Variants in GATA6 observed in about 807,000 individuals in gnomAD.
The protein encoded by GATA6 is GATA binding protein 6.
Under a neutral mutation model 48.1 loss-of-function variants are expected in GATA6, and 11 were observed. The observed-to-expected ratio is 0.23, with a 90% CI of 0.14 to 0.38. GATA6 has a LOEUF of 0.38. Ranked by LOEUF, GATA6 falls within the 10% of genes least tolerant of loss-of-function variation. The pLI, the probability that GATA6 is intolerant of heterozygous loss-of-function variation, is 1.00. For missense variants in GATA6, 795 were observed against 850.3 expected (o/e 0.93, Z 0.81); for synonymous variants, 419 against 396.1 (o/e 1.06, Z -0.69).
At position 22,201,230 on chromosome 18, in the gene GATA6, A is replaced by G. The variant is rs1346530202; in HGVS notation, c.*407A>G. ...CATACCTTTTCCACATCCAGATTTC[A>G]TGTGCGTTCATGGAGAAGATCACTT... On this transcript the variant is annotated 3_prime_UTR_variant, in exon 7 of 7. Coordinates refer to ENST00000269216, the MANE Select transcript of GATA6 (RefSeq NM_005257.6). 1 of 230,368 alleles carries G rather than the reference A, an allele frequency of 4.3e-6. No homozygotes were observed. Among genetic ancestry groups the G allele is most frequent in the African/African-American group, 2.3e-5 (1 of 44,372 alleles). 14.3% of individuals were successfully genotyped at this position (230,368 alleles called of 1,614,324 possible).
chr18:22,171,703 G>C lies in GATA6; in HGVS notation c.559G>C (p.Val187Leu), dbSNP rs1463517302. The change falls in exon 2 of 7, where the codon GTC (valine) becomes CTC (leucine). Residue 187 changes from valine to leucine, a missense_variant. Physicochemically the swap from Val to Leu is conservative, Grantham distance 32. This residue lies in a region of GATA6 where 591 missense variants were observed against 570.0 expected (regional missense o/e 1.04). Coordinates refer to ENST00000269216, the MANE Select transcript of GATA6 (RefSeq NM_005257.6). This position sits in a 1 kb window ranked among gnomAD's most constrained non-coding sequence, Gnocchi z 7.1. The stretch of plus-strand genomic sequence containing the variant: ...AGCCGCGGCGGCGGCCAGCTCCCCG[G>C]TCTACGTGCCCACCACCCGCGTGGG... ...AAAAAAASSPVYVPTTRVGSM... is the reference protein window; with the variant it reads ...AAAAAAASSPLYVPTTRVGSM... 2 of 1,496,284 alleles carry C rather than the reference G, an allele frequency of 1.3e-6. No homozygotes were observed. Among genetic ancestry groups the C allele is most frequent in the Non-Finnish European group, 1.8e-6 (2 of 1,131,450 alleles). 92.7% of individuals were successfully genotyped at this position (1,496,284 alleles called of 1,614,324 possible).
intron 6 of GATA6, among the ~76,000 whole-genome samples, chr18:22,198,152 G>A (rs966928538): frequency 6.6e-6 from 1 of 150,698 alleles, no homozygotes; most frequent in Non-Finnish European, 1.5e-5. Context: ...TGATGCAATC[G>A]TAGCTCACTG....
At chr18:22,196,675 A>G (rs1013939121) in intron 6 of GATA6, among the ~76,000 whole-genome samples, 3 of 152,080 alleles carry the variant, frequency 2.0e-5, no homozygotes, top group Non-Finnish European at 4.4e-5. Context: ...CAGGAGGTGG[A>G]GGTTGCAGTG....
chr18:22,173,671 T>A (rs998685388), intron 2 of GATA6, among the ~76,000 whole-genome samples: 6 of 152,246 alleles, frequency 3.9e-5, no homozygotes, highest in Non-Finnish European at 8.8e-5. Context: ...CAAAATTCCC[T>A]CTTTTTAGTT....
intron 2 of GATA6, among the ~76,000 whole-genome samples, chr18:22,173,056 T>A (rs1447736151): frequency 3.3e-5 from 5 of 152,218 alleles, no homozygotes; most frequent in Non-Finnish European, 7.3e-5. Context: ...CCTTCGAAGT[T>A]TAGCCCGCCA....
At chr18:22,199,468 C>T (rs2033429140) in intron 6 of GATA6, among the ~76,000 whole-genome samples, 1 of 152,174 alleles carries the variant, frequency 6.6e-6, no homozygotes, top group Non-Finnish European at 1.5e-5. Flanking sequence ...TTCTCAAAAG[C>T]AACTTTATTC....
At chr18:22,180,655 T>C (rs1041660236) in intron 3 of GATA6, among the ~76,000 whole-genome samples, 3 of 151,994 alleles carry the variant, frequency 2.0e-5, no homozygotes, top group Admixed American at 6.6e-5. Flanking sequence ...ATGGTAATTA[T>C]GGAATGTATT....
intron 2 of GATA6, chr18:22,175,470 TGTTTAACTTCA>T: frequency 6.6e-6 from 1 of 152,308 alleles, no homozygotes. Flanking sequence ...ACAAATACCT[TGTTTAACTTCA>T]GTGTCCTTGA....
chr18:22,186,387 T>C (rs1461553746), intron 6 of GATA6, among the ~76,000 whole-genome samples: 2 of 152,184 alleles, frequency 1.3e-5, no homozygotes, highest in East Asian at 1.9e-4. Flanking sequence ...AGTAAAAAAC[T>C]GTTCCAGAGG....
intron 3 of GATA6, among the ~76,000 whole-genome samples, chr18:22,178,621 A>T (rs907610614): frequency 5.3e-5 from 8 of 152,176 alleles, no homozygotes; most frequent in African/African-American, 1.9e-4. Flanking sequence ...AATTAGTTTT[A>T]TGGTTGGTTT....
chr18:22,179,984 T>C (rs1169859199), intron 3 of GATA6: 1 of 152,246 alleles, frequency 6.6e-6, no homozygotes, highest in Non-Finnish European at 1.5e-5. Flanking sequence ...TGTCCTGTAA[T>C]CTGTGAATAT....
chr18:22,194,442 C>T (rs1349678851), intron 6 of GATA6, among the ~76,000 whole-genome samples: 1 of 152,196 alleles, frequency 6.6e-6, no homozygotes, highest in African/African-American at 2.4e-5. Context: ...GCCTGTGCTG[C>T]CTGCCGAAAG....
intron 6 of GATA6, among the ~76,000 whole-genome samples, chr18:22,198,426 T>C (rs1298215571): frequency 6.6e-6 from 1 of 152,190 alleles, no homozygotes; most frequent in Non-Finnish European, 1.5e-5. Context: ...TCTGCTGTCT[T>C]GGCACTTCCC....
At chr18:22,190,700 C>T (rs956661947) in intron 6 of GATA6, among the ~76,000 whole-genome samples, 2 of 152,138 alleles carry the variant, frequency 1.3e-5, no homozygotes, top group Non-Finnish European at 2.9e-5. Context: ...GGACTGGAAC[C>T]GACGTCTCCT....
rs1449955534 is a variant in GATA6, at chr18:22,171,557, C to T, written c.413C>T (p.Pro138Leu). ...TCCAGCCGCGGCGCCAAGCTGAGCC[C>T]CTTCGCACCCGAGCAGCCGGAGGAG... Reference protein sequence around the residue: ...LWSSRGAKLSPFAPEQPEEMY... With the variant: ...LWSSRGAKLSLFAPEQPEEMY... Residue 138 changes from proline to leucine, a missense_variant, in exon 2 of 7, where the codon CCC becomes CTC. Physicochemically the swap from Pro to Leu is moderately conservative, Grantham distance 98. Around this residue, in one of 5 missense-constraint regions of GATA6, gnomAD observed 591 missense variants for 570.0 expected, o/e 1.04. Transcript: ENST00000269216. This position sits in a 1 kb window ranked among gnomAD's most constrained non-coding sequence, Gnocchi z 7.1. 2 of 1,604,066 alleles carry T rather than the reference C, an allele frequency of 1.2e-6. No individual in the cohort carries two copies. The highest frequency in any genetic ancestry group is 1.7e-5 in the Admixed American group (1 of 59,992).
chr18:22,191,675 G>A (rs567657125), intron 6 of GATA6, among the ~76,000 whole-genome samples: 1 of 152,272 alleles, frequency 6.6e-6, no homozygotes, highest in Non-Finnish European at 1.5e-5. Flanking sequence ...ATTTAAAAAA[G>A]CATCTCCATA....
Position 22,171,541 on chromosome 18 carries a change from G to A in GATA6, c.397G>A (p.Gly133Ser). Residue 133 changes from glycine to serine, a missense_variant, in exon 2 of 7, where the codon GGC (glycine) becomes AGC (serine). Coordinates refer to ENST00000269216, the MANE Select transcript of GATA6 (RefSeq NM_005257.6). The surrounding 1 kb of genome is among the most constrained non-coding windows in gnomAD (Gnocchi z 7.1). Reference sequence around the variant, plus strand: ...CAGCAAGCTGCTGTGGTCCAGCCGCGGCGCCAAGCTGAGCCCCTTCGCACC... The same window carrying A: ...CAGCAAGCTGCTGTGGTCCAGCCGCAGCGCCAAGCTGAGCCCCTTCGCACC... ...TASKLLWSSR[G>S]AKLSPFAPEQ... The A allele has an allele frequency of 6.2e-7, 1 of 1,604,100 alleles. No individual in the cohort carries two copies. Among genetic ancestry groups the A allele is most frequent in the Non-Finnish European group, 8.5e-7 (1 of 1,179,634 alleles).
chr18:22,184,791 G>T (rs917775287), intron 6 of GATA6, among the ~76,000 whole-genome samples: 2 of 152,012 alleles, frequency 1.3e-5, no homozygotes, highest in Admixed American at 1.3e-4. Context: ...GAGTCACCGC[G>T]CCTGGCCTAA....
At chr18:22,200,490 C>A in intron 6 of GATA6, 166 bp from the exon 7 acceptor site, 2 of 838,426 alleles carry the variant, frequency 2.4e-6, no homozygotes, top group Non-Finnish European at 4.1e-6. Flanking sequence ...TTGCTGGGGG[C>A]AGGGGATAGT....
Sources: gnomAD v4.1 joint callset for allele counts (sites outside exome capture counted in the v4.1 genomes callset) on GRCh38, gnomAD v4.1.1 for gene constraint, gnomAD v4.1.1 regional missense constraint, Gnocchi (gnomAD v3.1) non-coding constraint, MANE v1.5 for transcripts, NCBI Gene and HGNC (gene_info 2026-07-23, HGNC 2026-07-21) for gene names.